The following RET variants were observed in gnomAD, a reference collection of about 807,000 sequenced individuals.
The protein encoded by RET is ret proto-oncogene.
Under a neutral mutation model 118.3 loss-of-function variants are expected in RET, and 19 were observed. That is an observed-to-expected ratio of 0.16 (90% CI 0.11 to 0.24). The LOEUF (loss-of-function observed/expected upper bound fraction) is 0.24. Ranked by LOEUF, RET falls within the 10% of genes least tolerant of loss-of-function variation. RET has a pLI of 1.00. For missense variants in RET, 1,219 were observed against 1,502.1 expected, an observed-to-expected ratio of 0.81 and a Z score of 3.12; for synonymous variants, 597 against 644.1, an observed-to-expected ratio of 0.93 and a Z score of 1.11.
chr10:43,120,029 G>T, intron 14 of RET, 52 bp from the exon 15 acceptor site: 2 of 1,607,942 alleles, frequency 1.2e-6, no homozygotes, highest in South Asian at 2.2e-5. Flanking sequence ...CTGAGCCAGT[G>T]ACCGCTGCTG....
At chr10:43,091,839 AAAAAG>A (rs1256681084) in intron 1 of RET, among the ~76,000 whole-genome samples, 11 of 149,634 alleles carry the variant, frequency 7.4e-5, no homozygotes, top group African/African-American at 2.0e-4. Context: ...AAAAAAAAAA[AAAAAG>A]AACCAGTGTT....
intron 1 of RET, among the ~76,000 whole-genome samples, chr10:43,095,555 C>T (rs1342783045): frequency 6.6e-6 from 1 of 152,216 alleles, no homozygotes; most frequent in Admixed American, 6.5e-5. Context: ...GTCCCCTCTG[C>T]ATCCAAAGAT....
chr10:43,078,705 C>G (rs1035204228), intron 1 of RET, among the ~76,000 whole-genome samples: 1 of 152,208 alleles, frequency 6.6e-6, no homozygotes, highest in African/African-American at 2.4e-5. Context: ...AGGACTTCCC[C>G]ACACCCTTCC....
At position 43,128,277 on chromosome 10, in the gene RET, T is replaced by C. The variant is rs754150221; in HGVS notation, c.*8T>C. On this transcript the variant is annotated 3_prime_UTR_variant, in exon 20 of 20. Coordinates refer to ENST00000355710, the MANE Select transcript of RET (RefSeq NM_020975.6). ...GACACGTTTGATAGTTAACATTTCT[T>C]TGTGAAAGGTAATGGACTCACAAGG... 1.2e-6 allele frequency: 2 copies of C among 1,614,178 alleles called. No homozygotes were observed. Among genetic ancestry groups the C allele is most frequent in the Admixed American group, 1.7e-5 (1 of 60,036 alleles).
rs1029634372 is a variant in RET, at chr10:43,128,861, T to C, written c.*592T>C. The C allele has an allele frequency of 1.3e-5, 3 of 237,644 alleles. No individual in the cohort carries two copies. The highest frequency in any genetic ancestry group is 2.5e-5 in the Non-Finnish European group (3 of 120,898). The allele number at this position is 237,644 out of a possible 1,614,324, so 14.7% of individuals were successfully genotyped here. ...TCAGCATTCGAGATCTTGAGAATGA[T>C]TTTTTTTAAATCATGCAACCTTTCC... On this transcript the variant is annotated 3_prime_UTR_variant, in exon 20 of 20. Coordinates refer to ENST00000355710, the MANE Select transcript of RET (RefSeq NM_020975.6).
Position 43,104,978 on chromosome 10 carries a change from C to G in RET, c.652C>G (p.Pro218Ala), listed in dbSNP as rs1009392744. The G allele has an allele frequency of 6.3e-7, 1 of 1,577,386 alleles. No individual in the cohort carries two copies. The highest frequency in any genetic ancestry group is 2.3e-5 in the East Asian group (1 of 43,662). Reference protein sequence around the residue: ...EGEGLPFRCAPDSLEVSTRWA... With the variant: ...EGEGLPFRCAADSLEVSTRWA... Reference sequence around the variant, plus strand: ...TGAGGGTCTGCCCTTCCGCTGCGCCCCGGACAGCCTGGAGGTGAGCACGCG... The same window carrying G: ...TGAGGGTCTGCCCTTCCGCTGCGCCGCGGACAGCCTGGAGGTGAGCACGCG... The change falls in exon 4 of 20, where the codon CCG (proline) becomes GCG (alanine). Residue 218 changes from proline (P) to alanine (A), a missense_variant. This residue lies in a region of RET where 850 missense variants were observed against 969.6 expected (regional missense o/e 0.88). Coordinates refer to ENST00000355710, the MANE Select transcript of RET (RefSeq NM_020975.6).
chr10:43,077,696 G>A (rs188900238), intron 1 of RET, among the ~76,000 whole-genome samples: 3,590 of 152,310 alleles, frequency 0.024, 65 homozygotes, highest in Non-Finnish European at 0.039. Flanking sequence ...CGACCTGGCG[G>A]ACGGGTCAGG....
chr10:43,117,745 T>C (rs1488367424), intron 12 of RET, among the ~76,000 whole-genome samples: 1 of 152,236 alleles, frequency 6.6e-6, no homozygotes, highest in African/African-American at 2.4e-5. Flanking sequence ...TGGGGAATCA[T>C]GCTATTCATT....
chr10:43,110,910 G>A (rs560424284), intron 6 of RET, among the ~76,000 whole-genome samples: 1 of 152,180 alleles, frequency 6.6e-6, no homozygotes, highest in African/African-American at 2.4e-5. Context: ...GGCCTGCCTG[G>A]GGCTTTTCCT....
intron 2 of RET, 63 bp from the exon 3 acceptor site, chr10:43,102,279 C>G (rs1837656194): frequency 3.1e-6 from 5 of 1,600,662 alleles, no homozygotes; most frequent in Non-Finnish European, 3.4e-6. Context: ...CCTGCCTCCT[C>G]CCCATTCCCG....
At position 43,077,288 on chromosome 10, in the gene RET, G is replaced by A. The variant is rs1050242868; in HGVS notation, c.30G>A (p.Gly10=). 6.0e-6 allele frequency: 9 copies of A among 1,509,112 alleles called. No homozygotes were observed. Among genetic ancestry groups the A allele is most frequent in the East Asian group, 2.6e-5 (1 of 38,360 alleles). 93.5% of individuals were successfully genotyped at this position (1,509,112 alleles called of 1,614,324 possible). Residue 10 remains glycine, a synonymous_variant, in exon 1 of 20, where the codon GGG becomes GGA. Transcript: ENST00000355710. ...CGAAGGCGACGTCCGGTGCCGCGGG[G>A]CTGCGTCTGCTGTTGCTGCTGCTGC... MAKATSGAA[G]LRLLLLLLLP...
At chr10:43,120,258 G>T in intron 15 of RET, 55 bp downstream of exon 15, 1 of 1,606,522 alleles carries the variant, frequency 6.2e-7, no homozygotes, top group Non-Finnish European at 8.5e-7. Flanking sequence ...TGCACCATGG[G>T]GCAGGCAGTG....
chr10:43,108,886 C>T (rs1379070752), intron 5 of RET, 145 bp from the exon 6 acceptor site: 1 of 796,140 alleles, frequency 1.3e-6, no homozygotes, highest in Non-Finnish European at 2.1e-6. Context: ...TTAGGACCAG[C>T]CCCAGGCCTG....
At chr10:43,100,024 G>A (rs1248035979) in intron 1 of RET, among the ~76,000 whole-genome samples, 2 of 152,360 alleles carry the variant, frequency 1.3e-5, no homozygotes, top group East Asian at 1.9e-4. Context: ...GATGAATGGA[G>A]TGGAATTGCA....
intron 8 of RET, among the ~76,000 whole-genome samples, 182 bp downstream of exon 8, chr10:43,112,406 T>G (rs771828786): frequency 6.6e-6 from 1 of 152,204 alleles, no homozygotes; most frequent in Non-Finnish European, 1.5e-5. Flanking sequence ...GGGAGAGGGC[T>G]TGTGAGTACA....
In RET at chr10:43,109,181, C is replaced by T; in HGVS notation, c.1214C>T (p.Pro405Leu). ...GTGCTGCCGGTCAGCCTGCACCTGC[C>T]CAGTACCTACTCCCTCTCCGTGAGC... ...VSVLPVSLHL[P>L]STYSLSVSRR... Residue 405 changes from proline to leucine, a missense_variant, in exon 6 of 20, where the codon CCC (proline) becomes CTC (leucine). Pro to Leu is a moderately conservative substitution (Grantham distance 98, BLOSUM62 -3). This residue lies in a region of RET where 850 missense variants were observed against 969.6 expected (regional missense o/e 0.88). Coordinates refer to ENST00000355710, the MANE Select transcript of RET (RefSeq NM_020975.6). 6.2e-7 allele frequency: 1 copy of T among 1,613,854 alleles called. No individual in the cohort carries two copies. The highest frequency in any genetic ancestry group is 8.5e-7 in the Non-Finnish European group (1 of 1,180,038).
chr10:43,123,244 A>G (rs2035799073), intron 16 of RET, among the ~76,000 whole-genome samples: 1 of 152,214 alleles, frequency 6.6e-6, no homozygotes. Flanking sequence ...TTCCAAGCAC[A>G]TAGAAATGGC....
In RET at chr10:43,104,641, G is replaced by A. The variant is rs920793861; in HGVS notation, c.626-311G>A. 19 of 523,014 alleles carry A rather than the reference G, an allele frequency of 3.6e-5. No individual in the cohort carries two copies. The South Asian group carries it at 4.1e-4, about 11-fold the overall frequency. 32.4% of individuals were successfully genotyped at this position (523,014 alleles called of 1,614,324 possible). On this transcript the variant is annotated intron_variant, in intron 3 of 19. Transcript: ENST00000355710. ...TGATCAAGGCCAGGTGGGCGGAGGG[G>A]TGTCCCAGTCCCTACTGGTTGATCA...
chr10:43,105,096 C>G lies in RET; in HGVS notation c.770C>G (p.Pro257Arg), dbSNP rs1277252937. Residue 257 changes from proline (P) to arginine (R), a missense_variant, in exon 4 of 20, where the codon CCC (proline) becomes CGC (arginine). Around this residue, in one of 5 missense-constraint regions of RET, gnomAD observed 850 missense variants for 969.6 expected, o/e 0.88. Transcript: ENST00000355710. ...AGAREEVVMV[P>R]FPVTVYDEDD... ...GCGCGCGAGGAGGTGGTGATGGTGC[C>G]CTTCCCGGTGACCGTGTACGACGAG... 1 of 1,612,142 alleles carries G rather than the reference C, an allele frequency of 6.2e-7. No homozygotes were observed.
Sources: gnomAD v4.1 joint callset for allele counts (sites outside exome capture counted in the v4.1 genomes callset) on GRCh38, gnomAD v4.1.1 for gene constraint, gnomAD v4.1.1 regional missense constraint, MANE v1.5 for transcripts, NCBI Gene and HGNC (gene_info 2026-07-23, HGNC 2026-07-21) for gene names.